FAAH2: variants seen among roughly 807,000 people sequenced by gnomAD.
The protein encoded by FAAH2 is fatty acid amide hydrolase 2.
In FAAH2, 60 loss-of-function variants were observed where a neutral mutation model predicts 36.9. That is an observed-to-expected ratio of 1.63 (90% CI 1.32 to 2.02). The LOEUF is 2.02. FAAH2 is among the 30% of genes most tolerant of loss of function. The probability of loss-of-function intolerance (pLI) is 0.00; values close to 1 mark genes in which losing one functional copy is unlikely to be tolerated. For synonymous variants in FAAH2, 214 were observed against 143.8 expected (o/e 1.49, Z -3.49); for missense variants, 689 against 397.5 (o/e 1.73, Z -6.23).
the FAAH2 span, among the ~76,000 whole-genome samples, chrX:57,170,600 C>T: frequency 9.0e-6 from 1 of 111,129 alleles, no homozygotes; most frequent in African/African-American, 3.3e-5. Context: ...TACACTCTGC[C>T]TTCTGAGTCT....
the FAAH2 span, among the ~76,000 whole-genome samples, chrX:57,163,038 T>C: frequency 8.9e-6 from 1 of 112,022 alleles, no homozygotes; most frequent in East Asian, 2.8e-4. Context: ...GATGGGTTTT[T>C]GGTGTGGATG....
intron 7 of FAAH2, among the ~76,000 whole-genome samples, chrX:57,396,280 C>A (rs2055293792): frequency 9.2e-6 from 1 of 109,246 alleles, no homozygotes; most frequent in Admixed American, 9.7e-5. Context: ...ACAAACTTTT[C>A]ATTTTAATGA....
At chrX:57,369,165 C>A in intron 5 of FAAH2, among the ~76,000 whole-genome samples, 1 of 106,532 alleles carries the variant, frequency 9.4e-6, no homozygotes, top group African/African-American at 3.4e-5. Flanking sequence ...TGAAACAGTC[C>A]AGTCAAAAGG....
chrX:57,190,444 G>GAAA, the FAAH2 span, among the ~76,000 whole-genome samples: 20 of 68,933 alleles, frequency 2.9e-4, no homozygotes, highest in South Asian at 9.0e-4. Context: ...CACTGTGGTA[G>GAAA]AAAAAAAAAA....
At chrX:57,254,228 G>C in the FAAH2 span, among the ~76,000 whole-genome samples, 3 of 111,618 alleles carry the variant, frequency 2.7e-5, no homozygotes, top group African/African-American at 9.8e-5. Context: ...AGCTAACTAT[G>C]CTAAATATAT....
rs767036742 is a variant in FAAH2, at chrX:57,447,001, G to T, written c.1190G>T (p.Trp397Leu). ...HVSPLWELIKWCLGLSVYTIP... is the reference protein window; with the variant it reads ...HVSPLWELIKLCLGLSVYTIP... ...AGTCCTCTGTGGGAGTTGATCAAAT[G>T]GTGCCTGGGTCTGTCAGTGTACACC... The change falls in exon 9 of 11, where the codon TGG becomes TTG. Residue 397 changes from tryptophan (W) to leucine (L), a missense_variant. Trp to Leu is a moderately conservative substitution (Grantham distance 61). Coordinates refer to ENST00000374900, the MANE Select transcript of FAAH2 (RefSeq NM_174912.4). 8.6e-5 allele frequency: 104 copies of T among 1,206,619 alleles called. No individual in the cohort carries two copies. In the East Asian group the frequency reaches 3.0e-3, roughly 35 times the overall value.
chrX:57,148,356 A>T, the FAAH2 span, among the ~76,000 whole-genome samples: 1 of 111,754 alleles, frequency 8.9e-6, no homozygotes, highest in Non-Finnish European at 1.9e-5. Flanking sequence ...CTTGGGCATT[A>T]AGGCCATTTT....
At chrX:57,305,198 C>T (rs1267992109) in intron 2 of FAAH2, among the ~76,000 whole-genome samples, 1 of 110,483 alleles carries the variant, frequency 9.1e-6, no homozygotes, top group Non-Finnish European at 1.9e-5. Context: ...CAGACCTTTC[C>T]TCTGAGCTCA....
At chrX:57,222,259 G>T in the FAAH2 span, among the ~76,000 whole-genome samples, 1 of 111,123 alleles carries the variant, frequency 9.0e-6, no homozygotes, top group Non-Finnish European at 1.9e-5. Context: ...GCTGCTAAAG[G>T]CCCTCTCTAT....
At chrX:57,429,200 G>A (rs868847495) in intron 7 of FAAH2, among the ~76,000 whole-genome samples, 67 of 109,458 alleles carry the variant, frequency 6.1e-4, no homozygotes, top group African/African-American at 2.2e-3. Flanking sequence ...TTAGCTGGGC[G>A]TGGTGGCGGG....
chrX:57,355,824 T>G (rs1342582205), intron 5 of FAAH2, among the ~76,000 whole-genome samples: 1 of 111,240 alleles, frequency 9.0e-6, no homozygotes, highest in Non-Finnish European at 1.9e-5. Flanking sequence ...AGTTTTATAT[T>G]GGATAGATGG....
intron 7 of FAAH2, chrX:57,392,620 C>A: frequency 5.2e-6 from 4 of 768,334 alleles, no homozygotes; most frequent in South Asian, 2.1e-5. Context: ...AAAGTAGCTT[C>A]TTGAAGATGG....
At chrX:57,299,322 A>T (rs1404197504) in intron 2 of FAAH2, among the ~76,000 whole-genome samples, 2 of 112,300 alleles carry the variant, frequency 1.8e-5, no homozygotes, top group Admixed American at 1.9e-4. Flanking sequence ...AATAAAGTTA[A>T]TTCAGCATAT....
intron 4 of FAAH2, among the ~76,000 whole-genome samples, chrX:57,336,170 C>G (rs1361930376): frequency 1.8e-5 from 2 of 111,305 alleles, no homozygotes; most frequent in Non-Finnish European, 3.8e-5. Context: ...CTGTTCCTGC[C>G]TTAACTGATG....
chrX:57,122,416 T>C, the FAAH2 span, among the ~76,000 whole-genome samples: 5 of 112,054 alleles, frequency 4.5e-5, no homozygotes, highest in South Asian at 7.4e-4. Context: ...TACTGGGCAT[T>C]TGACATAATA....
At chrX:57,187,782 T>C in the FAAH2 span, among the ~76,000 whole-genome samples, 1 of 111,533 alleles carries the variant, frequency 9.0e-6, no homozygotes, top group South Asian at 3.8e-4. Context: ...TGAAGGGGTA[T>C]TGAATTTTAT....
At chrX:57,274,914 G>C in the FAAH2 span, among the ~76,000 whole-genome samples, 3 of 111,662 alleles carry the variant, frequency 2.7e-5, no homozygotes, top group African/African-American at 9.8e-5. Context: ...GGGTAATCAG[G>C]CAGGAGAAAG....
intron 3 of FAAH2, among the ~76,000 whole-genome samples, chrX:57,311,966 G>T (rs912556446): frequency 1.9e-4 from 21 of 112,299 alleles, no homozygotes; most frequent in African/African-American, 6.1e-4. Context: ...ACACTGAGAA[G>T]GGAGAGATGC....
rs773428774 is a variant in FAAH2, at chrX:57,416,881, G to A, written c.997-15037G>A. ...GGTACACCAATCAAACGTAGGTTTG[G>A]TCTTTTCACATAGTTTCACATATTT... On this transcript the variant is annotated intron_variant, in intron 7 of 10. Coordinates refer to ENST00000374900, the MANE Select transcript of FAAH2 (RefSeq NM_174912.4). Among the ~76,000 whole-genome samples the A allele has an allele frequency of 5.4e-5, 6 of 112,013 alleles. No individual in the cohort carries two copies. The East Asian group carries it at 1.7e-3, about 31-fold the overall frequency.
Sources: gnomAD v4.1 joint callset for allele counts (sites outside exome capture counted in the v4.1 genomes callset) on GRCh38, gnomAD v4.1.1 for gene constraint, MANE v1.5 for transcripts, NCBI Gene and HGNC (gene_info 2026-07-23, HGNC 2026-07-21) for gene names.